Variants in SPSB4 observed in about 807,000 individuals in gnomAD.
The protein encoded by SPSB4 is SPRY domain-containing SOCS box protein 4.
A neutral mutation model predicts 20.9 loss-of-function variants in SPSB4; 21 were observed. That is an observed-to-expected ratio of 1.01 (90% CI 0.71 to 1.45). The LOEUF is 1.45. Among genes scored for constraint, SPSB4 ranks in the 40% most tolerant of loss-of-function variants. The pLI, the probability that SPSB4 is intolerant of heterozygous loss-of-function variation, is 0.00. For synonymous variants in SPSB4, 207 were observed against 183.8 expected (o/e 1.13, Z -1.02); for missense variants, 399 against 399.2 (o/e 1.00, Z 0.00).
intron 2 of SPSB4, among the ~76,000 whole-genome samples, chr3:141,091,323 C>T (rs2107791670): frequency 6.6e-6 from 1 of 152,330 alleles, no homozygotes; most frequent in South Asian, 2.1e-4. Flanking sequence ...AAAGCCATAA[C>T]CACCTCGTGA....
At chr3:141,079,318 A>G (rs1938180804) in intron 2 of SPSB4, among the ~76,000 whole-genome samples, 1 of 152,102 alleles carries the variant, frequency 6.6e-6, no homozygotes, top group Non-Finnish European at 1.5e-5. Context: ...CCAGGGAAAG[A>G]GTGCCCATTT....
At chr3:141,103,038 G>A (rs375943017) in intron 2 of SPSB4, among the ~76,000 whole-genome samples, 8 of 152,288 alleles carry the variant, frequency 5.3e-5, no homozygotes, top group African/African-American at 1.4e-4. Context: ...CCAAGTGGCC[G>A]CGCCTGTCCT....
At chr3:141,142,670 A>G (rs556194633) in intron 2 of SPSB4, among the ~76,000 whole-genome samples, 5 of 150,990 alleles carry the variant, frequency 3.3e-5, no homozygotes, top group African/African-American at 9.7e-5. Context: ...GTAGTTGTCT[A>G]TCTCATTTCT....
intron 2 of SPSB4, among the ~76,000 whole-genome samples, chr3:141,104,875 A>G (rs115055937): frequency 0.01 from 1,578 of 152,324 alleles, 23 homozygotes; most frequent in African/African-American, 0.036. Context: ...AAGTGAACCA[A>G]TGCTCCTTTT....
intron 2 of SPSB4, among the ~76,000 whole-genome samples, chr3:141,071,903 C>T (rs1438568791): frequency 6.6e-6 from 1 of 152,232 alleles, no homozygotes; most frequent in Non-Finnish European, 1.5e-5. Context: ...CTAGCCAAGG[C>T]TTCTGGTATT....
chr3:141,141,039 C>G (rs940502154), intron 2 of SPSB4, among the ~76,000 whole-genome samples: 24 of 152,264 alleles, frequency 1.6e-4, no homozygotes, highest in Middle Eastern at 3.2e-3. Flanking sequence ...GGTGGGCACC[C>G]CTCCCCCAGC....
intron 2 of SPSB4, among the ~76,000 whole-genome samples, chr3:141,138,131 T>G (rs982532372): frequency 1.8e-4 from 27 of 152,258 alleles, no homozygotes; most frequent in African/African-American, 6.3e-4. Context: ...TAGAGGTGTT[T>G]ATAGTATTCT....
intron 2 of SPSB4, among the ~76,000 whole-genome samples, chr3:141,082,623 C>CTATG (rs1938257519): frequency 7.7e-6 from 1 of 129,068 alleles, no homozygotes; most frequent in Non-Finnish European, 1.6e-5. Context: ...CAGGTGCTAT[C>CTATG]TATCTATCTA....
intron 2 of SPSB4, among the ~76,000 whole-genome samples, chr3:141,109,487 G>A (rs909641384): frequency 7.2e-5 from 11 of 152,014 alleles, no homozygotes; most frequent in African/African-American, 2.4e-4. Context: ...CCCTGGGCCA[G>A]CCAGATCCAC....
chr3:141,136,786 T>G (rs1343562106), intron 2 of SPSB4, among the ~76,000 whole-genome samples: 6 of 152,354 alleles, frequency 3.9e-5, no homozygotes. Context: ...TGCCTCCAGC[T>G]TTGTTCTGTT....
chr3:141,091,585 G>A (rs1275923481), intron 2 of SPSB4, among the ~76,000 whole-genome samples: 1 of 152,128 alleles, frequency 6.6e-6, no homozygotes. Context: ...GAGTGTAAGG[G>A]AAGTGCCCAG....
chr3:141,066,139 T>C lies in SPSB4; in HGVS notation c.35T>C (p.Val12Ala), dbSNP rs1412461987. 8 of 1,532,470 alleles carry C rather than the reference T, an allele frequency of 5.2e-6. No individual in the cohort carries two copies. Among genetic ancestry groups the C allele is most frequent in the African/African-American group, 1.4e-5 (1 of 70,722 alleles). The allele number at this position is 1,532,470 out of a possible 1,614,324, so 94.9% of individuals were successfully genotyped here. The stretch of plus-strand genomic sequence containing the variant: ...AAGCTCTCGGGGAGCCTCAAGTCAG[T>C]GGAGGTGCGAGAGCCGGCGCTGCGG... ...GQKLSGSLKS[V>A]EVREPALRPA... Residue 12 changes from valine to alanine, a missense_variant, in exon 2 of 3, where the codon GTG becomes GCG. Val to Ala is a moderately conservative substitution (Grantham distance 64). Transcript: ENST00000310546.
intron 2 of SPSB4, among the ~76,000 whole-genome samples, chr3:141,139,477 T>C (rs1939286730): frequency 6.6e-6 from 1 of 152,238 alleles, no homozygotes; most frequent in Non-Finnish European, 1.5e-5. Flanking sequence ...CTGGTACCAG[T>C]TGTTCCTTTC....
At chr3:141,061,260 A>G (rs552535663) in intron 1 of SPSB4, among the ~76,000 whole-genome samples, 75 of 152,282 alleles carry the variant, frequency 4.9e-4, no homozygotes, top group African/African-American at 1.8e-3. Context: ...TAAAAAGAAA[A>G]TTCATTATAA....
intron 1 of SPSB4, among the ~76,000 whole-genome samples, chr3:141,052,930 G>C (rs1380552745): frequency 6.6e-6 from 1 of 152,170 alleles, no homozygotes; most frequent in Non-Finnish European, 1.5e-5. Context: ...TGCTCCCGCC[G>C]GCCCATGGCC....
intron 2 of SPSB4, among the ~76,000 whole-genome samples, chr3:141,134,250 T>G (rs1939189460): frequency 6.6e-6 from 1 of 152,074 alleles, no homozygotes. Context: ...TACAGTCATA[T>G]CATCGGCAAA....
intron 2 of SPSB4, among the ~76,000 whole-genome samples, chr3:141,076,178 G>A (rs139678095): frequency 2.0e-5 from 3 of 152,306 alleles, no homozygotes; most frequent in South Asian, 2.1e-4. Flanking sequence ...TGGGGTTACC[G>A]AGCCTGGCTC....
At chr3:141,116,820 A>C (rs1576536627) in intron 2 of SPSB4, among the ~76,000 whole-genome samples, 1 of 152,288 alleles carries the variant, frequency 6.6e-6, no homozygotes, top group Non-Finnish European at 1.5e-5. Flanking sequence ...CAGTAAGAGC[A>C]CTCAGATGGG....
At chr3:141,141,516 G>C (rs564464274) in intron 2 of SPSB4, among the ~76,000 whole-genome samples, 2 of 152,310 alleles carry the variant, frequency 1.3e-5, no homozygotes, top group East Asian at 3.9e-4. Context: ...CTGCTATTGG[G>C]TTGTGTCTGC....
Sources: gnomAD v4.1 joint callset for allele counts (sites outside exome capture counted in the v4.1 genomes callset) on GRCh38, gnomAD v4.1.1 for gene constraint, MANE v1.5 for transcripts, NCBI Gene and HGNC (gene_info 2026-07-23, HGNC 2026-07-21) for gene names.